The following CLASRP variants were observed in gnomAD, a reference collection of about 807,000 sequenced individuals.
CLASRP encodes CLK4-associating serine/arginine rich protein.
In CLASRP, 52 loss-of-function variants were observed where a neutral mutation model predicts 99.9. The ratio of observed to expected loss-of-function variants is 0.52; its 90% CI spans 0.42 to 0.66. CLASRP has a LOEUF of 0.66. Among genes scored for constraint, CLASRP ranks in the 30% least tolerant of loss-of-function variants. CLASRP has a pLI of 0.00. For synonymous variants in CLASRP, 379 were observed against 373.0 expected (o/e 1.02, Z -0.18); for missense variants, 848 against 999.2 (o/e 0.85, Z 2.04).
intron 5 of CLASRP, among the ~76,000 whole-genome samples, chr19:45,055,676 G>A (rs370010239): frequency 6.6e-6 from 1 of 152,090 alleles, no homozygotes; most frequent in African/African-American, 2.4e-5. Context: ...TGTACTAAAA[G>A]TACAAAATTA....
chr19:45,064,904 T>C (rs553252974), intron 13 of CLASRP, among the ~76,000 whole-genome samples: 51 of 152,254 alleles, frequency 3.3e-4, no homozygotes, highest in African/African-American at 1.2e-3. Flanking sequence ...CATCTCTCTC[T>C]CCTCAGGAGA....
rs2122556878 is a variant in CLASRP at position 45,052,845 on chromosome 19, C to T, written c.252C>T (p.Ala84=). 6.2e-7 allele frequency: 1 copy of T among 1,612,602 alleles called. No homozygotes were observed. Among genetic ancestry groups the T allele is most frequent in the East Asian group, 2.2e-5 (1 of 44,848 alleles). Residue 84 remains alanine (A), a synonymous_variant, in exon 4 of 21, where the codon GCC becomes GCT. Transcript: ENST00000221455. Reference sequence around the variant, plus strand: ...TGATTGACCGATTCGATGTCCGTGCCCACCTGGACCACATCCCCGACTACA... The same window carrying T: ...TGATTGACCGATTCGATGTCCGTGCTCACCTGGACCACATCCCCGACTACA... ...NNMIDRFDVR[A]HLDHIPDYTP...
intron 2 of CLASRP, among the ~76,000 whole-genome samples, chr19:45,041,308 A>T (rs1039187261): frequency 6.6e-6 from 1 of 151,812 alleles, no homozygotes; most frequent in African/African-American, 2.4e-5. Context: ...CTCCTGTCTG[A>T]TGCTTCAGTT....
chr19:45,056,659 A>G, intron 6 of CLASRP, 125 bp downstream of exon 6: 2 of 769,844 alleles, frequency 2.6e-6, no homozygotes, highest in African/African-American at 1.7e-5. Context: ...TTCAGCACAC[A>G]GTCAGTGCTC....
intron 18 of CLASRP, 112 bp downstream of exon 18, chr19:45,069,360 C>T (rs1967179747): frequency 4.6e-6 from 5 of 1,080,710 alleles, no homozygotes; most frequent in Middle Eastern, 5.9e-4. Flanking sequence ...GGATGAAAGG[C>T]AGAGATCCCT....
Position 45,052,109 on chromosome 19 carries a change from A to G in CLASRP, c.138A>G (p.Arg46=). The G allele has an allele frequency of 6.2e-7, 1 of 1,614,026 alleles. No individual in the cohort carries two copies. The highest frequency in any genetic ancestry group is 1.1e-5 in the South Asian group (1 of 91,084). ...DPAQFLQVHG[R]ACKVHLDSAV... Reference sequence around the variant, plus strand: ...CCCAGTTCCTGCAGGTACATGGCCGAGCTTGCAAGGTGCACCTGGATTCTG... The same window carrying G: ...CCCAGTTCCTGCAGGTACATGGCCGGGCTTGCAAGGTGCACCTGGATTCTG... Residue 46 remains arginine (R), a synonymous_variant, in exon 3 of 21, where the codon CGA becomes CGG. Transcript: ENST00000221455.
chr19:45,068,520 C>T (rs1967151587), intron 16 of CLASRP, 40 bp downstream of exon 16: 2 of 1,502,306 alleles, frequency 1.3e-6, no homozygotes, highest in African/African-American at 2.8e-5. Flanking sequence ...CACAGCTCTT[C>T]TTTCCCTTGG....
rs1199661852 is a variant in CLASRP at position 45,050,077 on chromosome 19, C to T, written c.100-1994C>T. Among the ~76,000 whole-genome samples the T allele has an allele frequency of 2.6e-5, 4 of 151,940 alleles. No individual in the cohort carries two copies. The East Asian group carries it at 5.8e-4, about 22-fold the overall frequency. ...AAGCACAGAGGTCCGAGCAGAAGCA[C>T]GGGGCATGTCTGGAATGCCCAAGGA... On this transcript the variant is annotated intron_variant, in intron 2 of 20. Transcript: ENST00000221455.
rs1490663425 is a variant in CLASRP, at chr19:45,052,797, C to T, written c.204C>T (p.Pro68=). The T allele has an allele frequency of 1.9e-6, 3 of 1,611,928 alleles. No individual in the cohort carries two copies. The change falls in exon 4 of 21, where the codon CCC becomes CCT. Residue 68 remains proline (P), a synonymous_variant. Transcript: ENST00000221455. ...LAAESPVNMM[P]WQGDTNNMID... is the part of the protein sequence containing the mutation. ...TGCTCCCCTCCCACTTCAGGATGCC[C>T]TGGCAGGGGGACACCAACAACATGA...
At chr19:45,068,639 G>A (rs1312891207) in intron 16 of CLASRP, among the ~76,000 whole-genome samples, 159 bp downstream of exon 16, 2 of 122,014 alleles carry the variant, frequency 1.6e-5, no homozygotes, top group African/African-American at 5.2e-5. Context: ...CATCAGCTCC[G>A]CTGCCGCTAT....
rs761355128 is a variant in CLASRP, at chr19:45,053,133, A to T, written c.335A>T (p.Asn112Ile). 1 of 1,614,018 alleles carries T rather than the reference A, an allele frequency of 6.2e-7. No individual in the cohort carries two copies. The highest frequency in any genetic ancestry group is 1.1e-5 in the South Asian group (1 of 91,076). The change falls in exon 5 of 21, where the codon AAC (asparagine) becomes ATC (isoleucine). Residue 112 changes from asparagine (N) to isoleucine (I), a missense_variant. By Grantham distance (149) the Asn-to-Ile change is moderately radical. Coordinates refer to ENST00000221455, the MANE Select transcript of CLASRP (RefSeq NM_007056.3). ...CAGGAGTCGGACGAACGGAAGTGTA[A>T]CTACGAGCGCTACAGAGGCCTGGTG... is the stretch of plus-strand genomic sequence containing the variant. ...PEQESDERKC[N>I]YERYRGLVQN...
chr19:45,056,582 G>A (rs754150672), intron 6 of CLASRP, 48 bp downstream of exon 6: 1 of 1,516,370 alleles, frequency 6.6e-7, no homozygotes, highest in East Asian at 2.3e-5. Flanking sequence ...AGGAGGGCTG[G>A]GAGCCCCAGC....
chr19:45,051,090 G>A (rs931275065), intron 2 of CLASRP, among the ~76,000 whole-genome samples: 1 of 152,014 alleles, frequency 6.6e-6, no homozygotes, highest in African/African-American at 2.4e-5. Flanking sequence ...TTGTGGTTCT[G>A]ATTGGCATTT....
chr19:45,043,944 C>T (rs895103678), intron 2 of CLASRP, among the ~76,000 whole-genome samples: 2 of 152,006 alleles, frequency 1.3e-5, no homozygotes, highest in Non-Finnish European at 2.9e-5. Context: ...TGCAGTGGCA[C>T]GATCTCGGCT....
At chr19:45,066,622 CAAAAAAA>C (rs35834419) in intron 13 of CLASRP, among the ~76,000 whole-genome samples, 230 of 18,652 alleles carry the variant, frequency 0.012, 1 homozygote, top group African/African-American at 0.04. Context: ...GAGACTGTCT[CAAAAAAA>C]AAAAAAAAAA....
chr19:45,066,832 G>T (rs1184625392), intron 13 of CLASRP, among the ~76,000 whole-genome samples: 3 of 152,052 alleles, frequency 2.0e-5, no homozygotes, highest in African/African-American at 7.2e-5. Flanking sequence ...GCAGGGAGAG[G>T]ATGGGGTTCC....
rs1967105387 is a variant in CLASRP at position 45,067,198 on chromosome 19, G to A, written c.1410-139G>A. The A allele has an allele frequency of 7.9e-6, 8 of 1,006,362 alleles. No individual in the cohort carries two copies. Among genetic ancestry groups the A allele is most frequent in the East Asian group, 2.7e-5 (1 of 36,772 alleles). The allele number at this position is 1,006,362 out of a possible 1,614,324, so 62.3% of individuals were successfully genotyped here. On this transcript the variant is annotated intron_variant, in intron 13 of 20. Transcript: ENST00000221455. The surrounding 1 kb of genome is among the most constrained non-coding windows in gnomAD (Gnocchi z 4.9). ...AATGCCGCTCTGGGACATTTTGGAG[G>A]GAGAGTAGCAGGAGAGGAGAGTCGA...
At chr19:45,054,680 G>T (rs1972089565) in intron 5 of CLASRP, among the ~76,000 whole-genome samples, 1 of 152,182 alleles carries the variant, frequency 6.6e-6, no homozygotes, top group Non-Finnish European at 1.5e-5. Context: ...AAGGACTTGA[G>T]ATTCCCTTTC....
At chr19:45,048,967 C>G (rs1971972900) in intron 2 of CLASRP, among the ~76,000 whole-genome samples, 1 of 152,160 alleles carries the variant, frequency 6.6e-6, no homozygotes, top group Non-Finnish European at 1.5e-5. Context: ...GCCTGGGTGA[C>G]AGAGCGAGAC....
Sources: gnomAD v4.1 joint callset for allele counts (sites outside exome capture counted in the v4.1 genomes callset) on GRCh38, gnomAD v4.1.1 for gene constraint, Gnocchi (gnomAD v3.1) non-coding constraint, MANE v1.5 for transcripts, NCBI Gene and HGNC (gene_info 2026-07-23, HGNC 2026-07-21) for gene names.